Variants in MACROD2 observed in about 807,000 individuals in gnomAD.
MACROD2 encodes mono-ADP ribosylhydrolase 2.
Under a neutral mutation model 70.4 loss-of-function variants are expected in MACROD2, and 36 were observed. The observed-to-expected ratio is 0.51, with a 90% CI of 0.39 to 0.68. The LOEUF is 0.68. Ranked by LOEUF, MACROD2 falls within the 30% of genes least tolerant of loss-of-function variation. MACROD2 has a pLI of 0.00. For synonymous variants in MACROD2, 172 were observed against 178.8 expected, an observed-to-expected ratio of 0.96 and a Z score of 0.30; for missense variants, 496 against 538.4, an observed-to-expected ratio of 0.92 and a Z score of 0.78.
intron 2 of MACROD2, among the ~76,000 whole-genome samples, chr20:14,015,970 A>G (rs572151372): frequency 1.3e-5 from 2 of 152,196 alleles, no homozygotes; most frequent in Admixed American, 1.3e-4. Context: ...CCTGTTTTCA[A>G]TTATTTTGGG....
intron 3 of MACROD2, among the ~76,000 whole-genome samples, chr20:14,212,617 T>C (rs1443353807): frequency 1.3e-5 from 2 of 152,028 alleles, no homozygotes; most frequent in African/African-American, 4.8e-5. Context: ...AATGTAGAAT[T>C]TGGAGTCAAG....
At chr20:14,907,545 G>A (rs1160856605) in intron 5 of MACROD2, among the ~76,000 whole-genome samples, 1 of 152,196 alleles carries the variant, frequency 6.6e-6, no homozygotes, top group Admixed American at 6.5e-5. Context: ...GAATCAATGA[G>A]AAGGCAATTC....
At chr20:15,660,065 C>A (rs460818) in intron 8 of MACROD2, among the ~76,000 whole-genome samples, 83,118 of 151,704 alleles carry the variant, frequency 0.55, 23,140 homozygotes, top group East Asian at 0.83. Context: ...GAACTTCATA[C>A]AGTCACATAA....
chr20:14,233,065 GCAGT>G (rs2081833160), intron 3 of MACROD2, among the ~76,000 whole-genome samples: 1 of 152,170 alleles, frequency 6.6e-6, no homozygotes, highest in South Asian at 2.1e-4. Flanking sequence ...GGTCAGTGGA[GCAGT>G]CAGAGCACAC....
At chr20:14,878,311 T>G (rs138277905) in intron 5 of MACROD2, among the ~76,000 whole-genome samples, 1 of 152,260 alleles carries the variant, frequency 6.6e-6, no homozygotes, top group East Asian at 1.9e-4. Context: ...AGGTAGAATC[T>G]GAGACCTTGC....
At chr20:15,091,641 G>C (rs534712396) in intron 5 of MACROD2, among the ~76,000 whole-genome samples, 6 of 152,100 alleles carry the variant, frequency 3.9e-5, no homozygotes, top group African/African-American at 1.4e-4. Context: ...GGTTCTCTGT[G>C]GTTTCTTACC....
At chr20:14,334,795 C>CT (rs11087087) in intron 3 of MACROD2, among the ~76,000 whole-genome samples, 5,345 of 148,724 alleles carry the variant, frequency 0.036, 297 homozygotes, top group African/African-American at 0.12. Context: ...ATTTCTAATG[C>CT]TTTTTTTTTT....
At chr20:15,949,494 A>G (rs1249174118) in intron 12 of MACROD2, among the ~76,000 whole-genome samples, 2 of 152,204 alleles carry the variant, frequency 1.3e-5, no homozygotes, top group Non-Finnish European at 2.9e-5. Context: ...AGCATTCTCC[A>G]GTACACCATA....
chr20:14,958,964 A>G (rs1158979588), intron 5 of MACROD2, among the ~76,000 whole-genome samples: 8 of 152,128 alleles, frequency 5.3e-5, no homozygotes, highest in Non-Finnish European at 1.2e-4. Flanking sequence ...TTCAAGCCCC[A>G]CCAAACTGAG....
In MACROD2 at chr20:15,499,785, G is replaced by A. The variant is rs778184364; in HGVS notation, c.583G>A (p.Glu195Lys). 2 of 1,613,654 alleles carry A rather than the reference G, an allele frequency of 1.2e-6. No homozygotes were observed. Among genetic ancestry groups the A allele is most frequent in the Admixed American group, 1.7e-5 (1 of 60,010 alleles). The change falls in exon 8 of 18, where the codon GAG (glutamate) becomes AAG (lysine). Residue 195 changes from glutamate to lysine, a missense_variant. By Grantham distance (56) the Glu-to-Lys change is moderately conservative. Transcript: ENST00000684519. ...ISTGIYGFPN[E>K]PAAVIALNTI... ...TGCTCTTCATCTAGGCTTTCCCAAC[G>A]AGCCTGCTGCAGTCATTGCCCTCAA...
intron 5 of MACROD2, among the ~76,000 whole-genome samples, chr20:15,173,349 G>A (rs2076436970): frequency 1.3e-5 from 2 of 152,154 alleles, no homozygotes; most frequent in Non-Finnish European, 2.9e-5. Flanking sequence ...TGTAGTTAAA[G>A]AGAAGCTGTC....
intron 8 of MACROD2, among the ~76,000 whole-genome samples, chr20:15,674,668 A>G (rs201213): frequency 0.95 from 144,858 of 152,014 alleles, 69,199 homozygotes; most frequent in African/African-American, 0.97. Flanking sequence ...TATTCTCTGC[A>G]TCCTCGCATG....
At chr20:15,548,636 C>T (rs140282968) in intron 8 of MACROD2, among the ~76,000 whole-genome samples, 3 of 152,222 alleles carry the variant, frequency 2.0e-5, no homozygotes, top group South Asian at 2.1e-4. Context: ...CCTTGTGATC[C>T]ACCCACCTTG....
In MACROD2 at chr20:15,021,249, T is replaced by TGTATACACATACAGGTGTGC. The variant is rs1446824619; in HGVS notation, c.419-208682_419-208681insTACAGGTGTGCGTATACACA. On this transcript the variant is annotated intron_variant, in intron 5 of 17. Coordinates refer to ENST00000684519, the MANE Select transcript of MACROD2 (RefSeq NM_001351661.2). ...GTGCGTATACACACACCTGTGTGTA[T>TGTATACACATACAGGTGTGC]GTATACACACACCTGTGTGTGTGTA... 1.2e-3 allele frequency among the ~76,000 whole-genome samples: 12 copies of TGTATACACATACAGGTGTGC among 9,814 alleles called. 1 individual carries two copies. The highest frequency in any genetic ancestry group is 5.8e-3 in the South Asian group (2 of 344). 6.4% of individuals were successfully genotyped at this position (9,814 alleles called of 152,430 possible).
At chr20:15,228,287 C>T (rs189839823) in intron 5 of MACROD2, among the ~76,000 whole-genome samples, 38 of 152,132 alleles carry the variant, frequency 2.5e-4, no homozygotes, top group East Asian at 1.5e-3. Flanking sequence ...ACAATATCTG[C>T]GTGAACTTAT....
intron 12 of MACROD2, among the ~76,000 whole-genome samples, chr20:15,959,418 C>A (rs2066026576): frequency 6.6e-6 from 1 of 152,146 alleles, no homozygotes; most frequent in Non-Finnish European, 1.5e-5. Flanking sequence ...CCTTTCAGCC[C>A]ATGTATAAGT....
intron 10 of MACROD2, among the ~76,000 whole-genome samples, chr20:15,902,491 G>A (rs2065078989): frequency 6.6e-6 from 1 of 152,068 alleles, no homozygotes; most frequent in South Asian, 2.1e-4. Context: ...TTCAACCAAC[G>A]ATAAGCAATT....
chr20:15,991,016 G>T (rs1164791676), intron 15 of MACROD2, among the ~76,000 whole-genome samples: 2 of 151,396 alleles, frequency 1.3e-5, no homozygotes, highest in Non-Finnish European at 2.9e-5. Flanking sequence ...TTTAGTTATT[G>T]TACCCTATTG....
intron 5 of MACROD2, among the ~76,000 whole-genome samples, chr20:15,016,563 A>T (rs2075122952): frequency 6.6e-6 from 1 of 152,162 alleles, no homozygotes; most frequent in Middle Eastern, 3.4e-3. Flanking sequence ...ATTCCTTCAC[A>T]CAAGAGTTGG....
Sources: gnomAD v4.1 joint callset for allele counts (sites outside exome capture counted in the v4.1 genomes callset) on GRCh38, gnomAD v4.1.1 for gene constraint, MANE v1.5 for transcripts, NCBI Gene and HGNC (gene_info 2026-07-23, HGNC 2026-07-21) for gene names.